HPSE2: variants seen among roughly 807,000 people sequenced by gnomAD.
The protein encoded by HPSE2 is inactive heparanase-2.
Under a neutral mutation model 60.5 loss-of-function variants are expected in HPSE2, and 38 were observed. That is an observed-to-expected ratio of 0.63 (90% CI 0.48 to 0.82). The LOEUF (loss-of-function observed/expected upper bound fraction) is 0.82. HPSE2 is among the 40% of genes least tolerant of loss of function. The pLI, the probability that HPSE2 is intolerant of heterozygous loss-of-function variation, is 0.00. For missense variants in HPSE2, 713 were observed against 740.4 expected (o/e 0.96, Z 0.43); for synonymous variants, 295 against 293.2 (o/e 1.01, Z -0.06).
intron 3 of HPSE2, among the ~76,000 whole-genome samples, chr10:99,092,989 G>C (rs542263838): frequency 6.6e-6 from 1 of 152,276 alleles, no homozygotes; most frequent in South Asian, 2.1e-4. Flanking sequence ...ACAGCACTTT[G>C]GAGGTCGAAG....
At chr10:98,726,533 C>T (rs1183129699) in intron 4 of HPSE2, among the ~76,000 whole-genome samples, 4 of 150,134 alleles carry the variant, frequency 2.7e-5, no homozygotes, top group Non-Finnish European at 5.9e-5. Flanking sequence ...ATACCTAATG[C>T]TAAATGACGA....
At chr10:98,657,340 TTTG>T (rs1212916854) in intron 6 of HPSE2, among the ~76,000 whole-genome samples, 1 of 151,972 alleles carries the variant, frequency 6.6e-6, no homozygotes, top group African/African-American at 2.4e-5. Flanking sequence ...ATCCTTTTTT[TTTG>T]TTTGTTTTGT....
chr10:98,769,599 G>C (rs777331506), intron 3 of HPSE2, among the ~76,000 whole-genome samples: 1 of 152,136 alleles, frequency 6.6e-6, no homozygotes, highest in Non-Finnish European at 1.5e-5. Flanking sequence ...ATAATCCAGG[G>C]AAGAGCAATG....
intron 5 of HPSE2, among the ~76,000 whole-genome samples, chr10:98,712,052 G>A (rs937618737): frequency 1.3e-5 from 2 of 151,986 alleles, no homozygotes; most frequent in Middle Eastern, 3.2e-3. Context: ...GGAAAGCAGG[G>A]TTGTGAGGGA....
intron 3 of HPSE2, among the ~76,000 whole-genome samples, chr10:99,108,127 G>A (rs547841753): frequency 1.2e-4 from 18 of 152,258 alleles, no homozygotes; most frequent in Admixed American, 7.8e-4. Context: ...ATAGTTCAGA[G>A]CGCCTGGAAA....
At chr10:98,619,384 T>C (rs1483342058) in intron 8 of HPSE2, among the ~76,000 whole-genome samples, 1 of 152,204 alleles carries the variant, frequency 6.6e-6, no homozygotes, top group Non-Finnish European at 1.5e-5. Flanking sequence ...TCCAGACGAC[T>C]GTAGTAGCCT....
intron 3 of HPSE2, among the ~76,000 whole-genome samples, chr10:98,997,834 C>G (rs897113591): frequency 1.3e-5 from 2 of 152,152 alleles, no homozygotes; most frequent in African/African-American, 4.8e-5. Context: ...CTACAGCCAA[C>G]CAAAGTGAAG....
intron 9 of HPSE2, among the ~76,000 whole-genome samples, chr10:98,580,111 T>C (rs1944751998): frequency 6.6e-6 from 1 of 152,250 alleles, no homozygotes; most frequent in African/African-American, 2.4e-5. Flanking sequence ...CCCGCGTTGA[T>C]GAGAAAGTTG....
At chr10:99,123,041 C>T (rs907192969) in intron 3 of HPSE2, among the ~76,000 whole-genome samples, 1 of 151,966 alleles carries the variant, frequency 6.6e-6, no homozygotes, top group African/African-American at 2.4e-5. Flanking sequence ...GTTTTAAAAA[C>T]AGTGTAGACA....
At chr10:98,639,876 G>C (rs1228042782) in intron 7 of HPSE2, among the ~76,000 whole-genome samples, 1 of 152,128 alleles carries the variant, frequency 6.6e-6, no homozygotes, top group Non-Finnish European at 1.5e-5. Flanking sequence ...ACAGCCCTTT[G>C]ATCAAACTCA....
intron 3 of HPSE2, among the ~76,000 whole-genome samples, chr10:98,911,413 T>A (rs1290077800): frequency 6.6e-6 from 1 of 152,146 alleles, no homozygotes; most frequent in African/African-American, 2.4e-5. Context: ...TTGGGAAAGC[T>A]GTGGGAAAGC....
intron 11 of HPSE2, among the ~76,000 whole-genome samples, chr10:98,474,976 G>T (rs532253352): frequency 1.3e-5 from 2 of 152,232 alleles, no homozygotes; most frequent in African/African-American, 4.8e-5. Flanking sequence ...GCTCTTGAAA[G>T]CCAGGTGAGG....
At chr10:98,767,781 TATAA>T (rs1950156334) in intron 3 of HPSE2, among the ~76,000 whole-genome samples, 1 of 145,670 alleles carries the variant, frequency 6.9e-6, no homozygotes, top group African/African-American at 2.5e-5. Context: ...CTACATCATA[TATAA>T]ATATGTATAA....
the HPSE2 span, among the ~76,000 whole-genome samples, chr10:99,305,959 ACACG>A: frequency 0.018 from 538 of 29,614 alleles, 9 homozygotes; most frequent in East Asian, 0.12. Context: ...AAACTCACAC[ACACG>A]CGCGCGCGCG....
intron 3 of HPSE2, among the ~76,000 whole-genome samples, chr10:98,931,092 A>G (rs2135109332): frequency 7.0e-6 from 1 of 143,814 alleles, no homozygotes. Context: ...TAGGGTTTTT[A>G]TGGTTTTCGG....
rs147866530 is a variant in HPSE2 at position 98,744,036 on chromosome 10, A to G, written c.631T>C (p.Tyr211His). 0.01 allele frequency: 16,247 copies of G among 1,614,100 alleles called. 238 individuals are homozygous for G. Among genetic ancestry groups the G allele is most frequent in the Middle Eastern group, 0.056 (342 of 6,062 alleles). The stretch of plus-strand genomic sequence containing the variant: ...AGTCCAGAGCAATCAGCAAAGTTAT[A>G]AAGTTTGTCTAGAGACCTGGCTGGG... ...ILTARSLDKLYNFADCSGLHL... is the reference protein window; with the variant it reads ...ILTARSLDKLHNFADCSGLHL... The change falls in exon 4 of 12, where the codon TAT becomes CAT. Residue 211 changes from tyrosine (Y) to histidine (H), a missense_variant. By Grantham distance (83) the Tyr-to-His change is moderately conservative (BLOSUM62 2). Transcript: ENST00000370552.
chr10:99,292,817 A>G, the HPSE2 span, among the ~76,000 whole-genome samples: 1 of 152,156 alleles, frequency 6.6e-6, no homozygotes, highest in Admixed American at 6.5e-5. Flanking sequence ...CCACATTTCC[A>G]GTGCTCACAA....
chr10:99,298,230 C>T, the HPSE2 span, among the ~76,000 whole-genome samples: 1 of 152,236 alleles, frequency 6.6e-6, no homozygotes, highest in Non-Finnish European at 1.5e-5. Context: ...TTTAGCCCAT[C>T]TCTCTGCACA....
At chr10:99,159,058 C>A (rs11189999) in intron 2 of HPSE2, among the ~76,000 whole-genome samples, 1 of 151,758 alleles carries the variant, frequency 6.6e-6, no homozygotes, top group Non-Finnish European at 1.5e-5. Context: ...AAAAAAGGAA[C>A]GTTCTCACAT....
Sources: gnomAD v4.1 joint callset for allele counts (sites outside exome capture counted in the v4.1 genomes callset) on GRCh38, gnomAD v4.1.1 for gene constraint, MANE v1.5 for transcripts, NCBI Gene and HGNC (gene_info 2026-07-23, HGNC 2026-07-21) for gene names.